The following FARP2 variants were observed in gnomAD, a reference collection of about 807,000 sequenced individuals.
FARP2 encodes the protein FERM, ARH/RhoGEF and pleckstrin domain protein 2.
Under a neutral mutation model 130.5 loss-of-function variants are expected in FARP2, and 111 were observed. That is an observed-to-expected ratio of 0.85 (90% CI 0.73 to 1.00). The LOEUF is 1.00. Among genes scored for constraint, FARP2 ranks in the 50% least tolerant of loss-of-function variants. The pLI, the probability that FARP2 is intolerant of heterozygous loss-of-function variation, is 0.00. For synonymous variants in FARP2, 504 were observed against 516.9 expected (o/e 0.98, Z 0.34); for missense variants, 1,385 against 1,346.3 (o/e 1.03, Z -0.45).
chr2:241,383,233 C>T (rs560100383), intron 2 of FARP2, among the ~76,000 whole-genome samples: 2 of 152,284 alleles, frequency 1.3e-5, no homozygotes, highest in South Asian at 4.1e-4. Flanking sequence ...TGCGCTTGTT[C>T]GGCAGTGGGG....
chr2:241,478,799 G>A (rs562918857), intron 19 of FARP2: 2 of 408,336 alleles, frequency 4.9e-6, no homozygotes, highest in South Asian at 2.0e-5. Context: ...ACTCACACAG[G>A]TGGTGTCCAC....
intron 7 of FARP2, among the ~76,000 whole-genome samples, chr2:241,415,759 A>C (rs1423375219): frequency 6.6e-6 from 1 of 152,208 alleles, no homozygotes; most frequent in Admixed American, 6.5e-5. Flanking sequence ...GATAGTGGCC[A>C]CAGCCTCTTG....
At chr2:241,491,897 A>C (rs2064927567) in intron 24 of FARP2, among the ~76,000 whole-genome samples, 1 of 152,150 alleles carries the variant, frequency 6.6e-6, no homozygotes, top group African/African-American at 2.4e-5. Flanking sequence ...TGTCTGATGA[A>C]GTCCAGCAGG....
At chr2:241,471,422 G>A (rs1574889980) in intron 18 of FARP2, 1 of 146,888 alleles carries the variant, frequency 6.8e-6, no homozygotes, top group Non-Finnish European at 1.5e-5. Flanking sequence ...TTCTACAGGG[G>A]ATTTGATTCT....
chr2:241,413,353 A>C lies in FARP2; in HGVS notation c.555A>C (p.Lys185Asn), dbSNP rs16843643. ...YDETLDREHL[K>N]VNEYLPGQQH... is the part of the protein sequence containing the mutation. Reference sequence around the variant, plus strand: ...AAACGCTGGACCGAGAGCACCTCAAAGTGAACGAGTATTTGCCTGGCCAGC... The same window carrying C: ...AAACGCTGGACCGAGAGCACCTCAACGTGAACGAGTATTTGCCTGGCCAGC... The change falls in exon 7 of 27, where the codon AAA becomes AAC. Residue 185 changes from lysine (K) to asparagine (N), a missense_variant. Transcript: ENST00000264042. 10,801 of 1,612,802 alleles carry C rather than the reference A, an allele frequency of 6.7e-3. 557 individuals are homozygous for C. In the African/African-American group the frequency reaches 0.12, roughly 18 times the overall value.
intron 13 of FARP2, among the ~76,000 whole-genome samples, chr2:241,453,478 C>T (rs1228843376): frequency 1.3e-5 from 2 of 151,464 alleles, no homozygotes; most frequent in African/African-American, 4.9e-5. Flanking sequence ...AAAAATTAGC[C>T]AGGCATGGTG....
chr2:241,441,437 A>G lies in FARP2; in HGVS notation c.1292A>G (p.Asp431Gly). Residue 431 changes from aspartate to glycine, a missense_variant, in exon 13 of 27, where the codon GAT (aspartate) becomes GGT (glycine). By Grantham distance (94) the Asp-to-Gly change is moderately conservative. Transcript: ENST00000264042. ...AAGGACAGCAGCAGCTCCCTCACAG[A>G]TCCCCAGGTTTCCTACGTCAAGAGT... ...EFKDSSSSLT[D>G]PQVSYVKSPA... 1 of 1,614,178 alleles carries G rather than the reference A, an allele frequency of 6.2e-7. No homozygotes were observed. Among genetic ancestry groups the G allele is most frequent in the Non-Finnish European group, 8.5e-7 (1 of 1,180,034 alleles).
intron 18 of FARP2, among the ~76,000 whole-genome samples, chr2:241,472,227 G>A (rs2064340554): frequency 6.6e-6 from 1 of 150,976 alleles, no homozygotes; most frequent in African/African-American, 2.4e-5. Context: ...AGGGGACCAT[G>A]TTCTGTGGGG....
intron 13 of FARP2, 174 bp downstream of exon 13, chr2:241,441,730 C>T (rs2063389564): frequency 2.0e-6 from 2 of 989,096 alleles, no homozygotes; most frequent in Admixed American, 2.1e-5. Flanking sequence ...CGGTGGGGAG[C>T]ACCGGTGTGA....
At chr2:241,461,961 A>G (rs1183708571) in intron 14 of FARP2, among the ~76,000 whole-genome samples, 1 of 152,184 alleles carries the variant, frequency 6.6e-6, no homozygotes, top group Non-Finnish European at 1.5e-5. Flanking sequence ...AGGGTCCCCT[A>G]TGGCCAGCTT....
chr2:241,486,287 CTT>C (rs71406464), intron 21 of FARP2, among the ~76,000 whole-genome samples: 29 of 103,858 alleles, frequency 2.8e-4, no homozygotes, highest in African/African-American at 6.1e-4. Flanking sequence ...CTCCAAAAAT[CTT>C]TTTTTTTTTT....
chr2:241,466,306 G>A, intron 17 of FARP2: 3 of 985,448 alleles, frequency 3.0e-6, no homozygotes, highest in Non-Finnish European at 3.6e-6. Flanking sequence ...GTCTTGGAAA[G>A]AGGGGCCCTT....
rs765390864 is a variant in FARP2 at position 241,484,289 on chromosome 2, C to G, written c.2379C>G (p.Ser793Arg). 7 of 1,614,180 alleles carry G rather than the reference C, an allele frequency of 4.3e-6. No homozygotes were observed. Among genetic ancestry groups the G allele is most frequent in the Middle Eastern group, 1.7e-4 (1 of 6,058 alleles). ...CAAGCAAAGGAGTTGCAGGGACCAG[C>G]CACTTCCGGATCCGGGGCCTCCTTC... The part of the protein sequence containing the change: ...LYTSKGVAGT[S>R]HFRIRGLLPL... Residue 793 changes from serine to arginine, a missense_variant, in exon 21 of 27, where the codon AGC becomes AGG. Physicochemically the swap from Ser to Arg is moderately radical, Grantham distance 110. Coordinates refer to ENST00000264042, the MANE Select transcript of FARP2 (RefSeq NM_014808.4).
chr2:241,494,385 T>C lies in FARP2; in HGVS notation c.*260T>C. 1 of 297,018 alleles carries C rather than the reference T, an allele frequency of 3.4e-6. No homozygotes were observed. The allele number at this position is 297,018 out of a possible 1,614,324, so 18.4% of individuals were successfully genotyped here. ...AGCGCGGAGCCGCTCAAGCCACAGC[T>C]CCCAGGCCCCTGGCTCAAAGACGCA... On this transcript the variant is annotated 3_prime_UTR_variant, in exon 27 of 27. Transcript: ENST00000264042. The surrounding 1 kb of genome is among the most constrained non-coding windows in gnomAD (Gnocchi z 4.9).
intron 2 of FARP2, among the ~76,000 whole-genome samples, chr2:241,388,747 A>G (rs1181584963): frequency 6.6e-6 from 1 of 151,972 alleles, no homozygotes; most frequent in Admixed American, 6.6e-5. Context: ...AGGATTGCTT[A>G]AGCCCAGGAG....
rs145992862 is a variant in FARP2 at position 241,445,428 on chromosome 2, C to G, written c.1411+3872C>G. ...AGGAAGACATTTCCCTCTACAGATT[C>G]TGTCTTTCCACTTGTAACAGTTAAT... On this transcript the variant is annotated intron_variant, in intron 13 of 26. Coordinates refer to ENST00000264042, the MANE Select transcript of FARP2 (RefSeq NM_014808.4). The G allele has an allele frequency of 2.0e-5, 3 of 152,334 alleles. No homozygotes were observed. The East Asian group carries it at 5.8e-4, about 29-fold the overall frequency. 9.4% of individuals were successfully genotyped at this position (152,334 alleles called of 1,614,324 possible).
At chr2:241,444,731 T>C (rs1200039693) in intron 13 of FARP2, 3 of 152,186 alleles carry the variant, frequency 2.0e-5, no homozygotes, top group Non-Finnish European at 1.5e-5. Context: ...AAATAGATCT[T>C]GCTGTTTTTG....
At position 241,475,200 on chromosome 2, in the gene FARP2, C is replaced by T. The variant is rs2064425340; in HGVS notation, c.2132-657C>T. Among the ~76,000 whole-genome samples, 1 of 152,214 alleles carries T rather than the reference C, an allele frequency of 6.6e-6. No individual in the cohort carries two copies. The highest frequency in any genetic ancestry group is 1.5e-5 in the Non-Finnish European group (1 of 68,040). On this transcript the variant is annotated intron_variant, in intron 18 of 26. Transcript: ENST00000264042. This position sits in a 1 kb window ranked among gnomAD's most constrained non-coding sequence, Gnocchi z 4.4. ...TAACATTAAATGGTTATTTACAAAG[C>T]CTATCCTCTTTGCCAAACCAGAATA...
chr2:241,453,769 GTTTTTTTTTTTTTTTTT>G (rs1180224982), intron 13 of FARP2, among the ~76,000 whole-genome samples: 3 of 54,020 alleles, frequency 5.6e-5, no homozygotes, highest in Non-Finnish European at 1.1e-4. Flanking sequence ...GCACTTACTG[GTTTTTTTTTTTTTTTTT>G]TTTTTTTTTT....
Sources: gnomAD v4.1 joint callset for allele counts (sites outside exome capture counted in the v4.1 genomes callset) on GRCh38, gnomAD v4.1.1 for gene constraint, Gnocchi (gnomAD v3.1) non-coding constraint, MANE v1.5 for transcripts, NCBI Gene and HGNC (gene_info 2026-07-23, HGNC 2026-07-21) for gene names.